Variants in SLC39A9 observed in about 807,000 individuals in gnomAD.
SLC39A9 encodes the protein solute carrier family 39 member 9, also known as zinc transporter ZIP9.
SLC39A9 carries 14 observed loss-of-function variants against 28.4 expected under a neutral mutation model. The observed-to-expected ratio is 0.49, with a 90% CI of 0.33 to 0.77. The LOEUF (loss-of-function observed/expected upper bound fraction) is 0.77. Ranked by LOEUF, SLC39A9 falls within the 30% of genes least tolerant of loss-of-function variation. SLC39A9 has a pLI of 0.02. For missense variants in SLC39A9, 283 were observed against 381.1 expected (o/e 0.74, Z 2.14); for synonymous variants, 119 against 149.6 (o/e 0.80, Z 1.49).
rs1271275117 is a variant in SLC39A9 at position 69,399,134 on chromosome 14, C to A, written c.-236C>A. 1.0e-5 allele frequency: 5 copies of A among 496,716 alleles called. No homozygotes were observed. The South Asian group carries it at 1.3e-4, about 13-fold the overall frequency. 30.8% of individuals were successfully genotyped at this position (496,716 alleles called of 1,614,324 possible). A position where few individuals can be genotyped will look rare whatever the true frequency, so the allele number is the denominator to read the frequency against. On this transcript the variant is annotated 5_prime_UTR_variant, in exon 1 of 7. Transcript: ENST00000336643. Reference sequence around the variant, plus strand: ...ATGACTGGCATCTGAGAACCCAGAGCCTGGGACCTTAGATTGCTGTAAGCT... The same window carrying A: ...ATGACTGGCATCTGAGAACCCAGAGACTGGGACCTTAGATTGCTGTAAGCT...
chr14:69,461,399 T>C lies in SLC39A9; in HGVS notation c.*2806T>C. The stretch of plus-strand genomic sequence containing the variant: ...TTCCAGGTTTGATTCAGTTTTCCTG[T>C]GCACACTATTGCCAAATTTTTTTTT... On this transcript the variant is annotated 3_prime_UTR_variant, in exon 7 of 7. Coordinates refer to ENST00000336643, the MANE Select transcript of SLC39A9 (RefSeq NM_018375.5). 8.1e-7 allele frequency: 1 copy of C among 1,228,766 alleles called. No homozygotes were observed. Among genetic ancestry groups the C allele is most frequent in the Non-Finnish European group, 1.0e-6 (1 of 974,546 alleles). The allele number at this position is 1,228,766 out of a possible 1,614,324, so 76.1% of individuals were successfully genotyped here.
chr14:69,458,282 A>C, intron 6 of SLC39A9, 81 bp from the exon 7 acceptor site: 1 of 1,539,072 alleles, frequency 6.5e-7, no homozygotes, highest in Non-Finnish European at 8.8e-7. Flanking sequence ...AAGAACAGTG[A>C]GTGTTTTTTA....
intron 2 of SLC39A9, 23 bp from the exon 3 acceptor site, chr14:69,442,046 C>T (rs765375334): frequency 8.7e-6 from 14 of 1,604,414 alleles, no homozygotes; most frequent in South Asian, 1.1e-5. Context: ...CATATTTTCT[C>T]TTTATGGTTT....
chr14:69,412,768 G>T (rs1278305573), intron 1 of SLC39A9, among the ~76,000 whole-genome samples: 1 of 152,184 alleles, frequency 6.6e-6, no homozygotes, highest in Non-Finnish European at 1.5e-5. Flanking sequence ...TGGGGAAGGG[G>T]TTACAGGGAC....
intron 3 of SLC39A9, among the ~76,000 whole-genome samples, chr14:69,448,700 C>CT (rs1566923869): frequency 1.3e-5 from 2 of 152,120 alleles, no homozygotes; most frequent in Non-Finnish European, 2.9e-5. Flanking sequence ...GAAACATGCC[C>CT]TGAAGTAAGT....
intron 1 of SLC39A9, among the ~76,000 whole-genome samples, chr14:69,411,642 C>CTTTAATATAAACTTTAATAT (rs1289406535): frequency 2.0e-5 from 3 of 152,148 alleles, no homozygotes; most frequent in African/African-American, 7.2e-5. Flanking sequence ...AACCTGTCAG[C>CTTTAATATAAACTTTAATAT]ATTTTGTTAA....
At position 69,434,568 on chromosome 14, in the gene SLC39A9, T is replaced by C. The variant is rs78641109; in HGVS notation, c.206-7501T>C. Among the ~76,000 whole-genome samples, 577 of 151,858 alleles carry C rather than the reference T, an allele frequency of 3.8e-3. 5 individuals are homozygous for C. Among genetic ancestry groups the C allele is most frequent in the Middle Eastern group, 0.017 (5 of 294 alleles). The stretch of plus-strand genomic sequence containing the variant: ...GTGGGCGCAGTGACTACAGAAAAAT[T>C]AGGTGGGCGCAGTGACACACACACC... On this transcript the variant is annotated intron_variant, in intron 2 of 6. Transcript: ENST00000336643.
Position 69,437,288 on chromosome 14 carries a change from G to A in SLC39A9, c.206-4781G>A, listed in dbSNP as rs114382889. Among the ~76,000 whole-genome samples the A allele has an allele frequency of 5.7e-3, 861 of 152,090 alleles. 10 individuals carry two copies. The highest frequency in any genetic ancestry group is 0.02 in the African/African-American group (822 of 41,528). On this transcript the variant is annotated intron_variant, in intron 2 of 6. Coordinates refer to ENST00000336643, the MANE Select transcript of SLC39A9 (RefSeq NM_018375.5). ...CAGGACCAGGAAAGAAAAAAGAGGA[G>A]GTAGAGAAAAAAAGGGGAGACTTTC...
chr14:69,433,494 A>G (rs1003225652), intron 2 of SLC39A9, among the ~76,000 whole-genome samples: 3 of 152,210 alleles, frequency 2.0e-5, no homozygotes, highest in African/African-American at 7.2e-5. Flanking sequence ...AGAAGAGAAT[A>G]TATAAAATCA....
chr14:69,451,760 G>A (rs1885621010), intron 3 of SLC39A9, among the ~76,000 whole-genome samples: 1 of 152,028 alleles, frequency 6.6e-6, no homozygotes, highest in African/African-American at 2.4e-5. Context: ...CTGTCACCCG[G>A]GCTGGAGTCC....
chr14:69,435,127 A>G (rs563753840), intron 2 of SLC39A9, among the ~76,000 whole-genome samples: 140 of 152,330 alleles, frequency 9.2e-4, no homozygotes, highest in African/African-American at 3.2e-3. Context: ...TTCTGCTTCT[A>G]TTACTAAGAC....
chr14:69,451,879 C>T (rs1425916526), intron 3 of SLC39A9, among the ~76,000 whole-genome samples: 1 of 152,064 alleles, frequency 6.6e-6, no homozygotes, highest in Non-Finnish European at 1.5e-5. Context: ...CCACACTTGG[C>T]TAAATTTTAA....
intron 5 of SLC39A9, 36 bp downstream of exon 5, chr14:69,454,933 T>G (rs1421674509): frequency 1.3e-6 from 2 of 1,502,336 alleles, no homozygotes; most frequent in Non-Finnish European, 1.8e-6. Context: ...TGGTATTGAG[T>G]GTATTCATAA....
chr14:69,442,789 A>G (rs925617117), intron 3 of SLC39A9, among the ~76,000 whole-genome samples: 2 of 152,234 alleles, frequency 1.3e-5, no homozygotes, highest in Non-Finnish European at 2.9e-5. Context: ...TATGCTAGCT[A>G]TTACATAATA....
At chr14:69,416,321 A>G (rs764131089) in intron 1 of SLC39A9, among the ~76,000 whole-genome samples, 3 of 152,212 alleles carry the variant, frequency 2.0e-5, no homozygotes, top group Non-Finnish European at 4.4e-5. Context: ...TCATGGCTGC[A>G]TAGTATTCCA....
chr14:69,409,547 G>A (rs1005132511), intron 1 of SLC39A9, among the ~76,000 whole-genome samples: 13 of 152,238 alleles, frequency 8.5e-5, no homozygotes, highest in African/African-American at 2.9e-4. Flanking sequence ...ATGTTGCCCA[G>A]GCTGGTCTCA....
intron 2 of SLC39A9, chr14:69,441,800 T>C: frequency 8.7e-7 from 1 of 1,150,556 alleles, no homozygotes; most frequent in Non-Finnish European, 1.1e-6. Flanking sequence ...TATGATTGCT[T>C]TCTTGCATGG....
At chr14:69,412,690 A>G (rs967483441) in intron 1 of SLC39A9, among the ~76,000 whole-genome samples, 1 of 152,178 alleles carries the variant, frequency 6.6e-6, no homozygotes, top group Admixed American at 6.5e-5. Flanking sequence ...TGTGCCAGAT[A>G]CTTCCTTATA....
chr14:69,412,385 T>A (rs1474062715), intron 1 of SLC39A9, among the ~76,000 whole-genome samples: 1 of 138,218 alleles, frequency 7.2e-6, no homozygotes, highest in East Asian at 2.2e-4. Flanking sequence ...CAAGACTCCA[T>A]CTCAAAAATA....
Sources: gnomAD v4.1 joint callset for allele counts (sites outside exome capture counted in the v4.1 genomes callset) on GRCh38, gnomAD v4.1.1 for gene constraint, MANE v1.5 for transcripts, NCBI Gene and HGNC (gene_info 2026-07-23, HGNC 2026-07-21) for gene names.